The following NUP107 variants were observed in gnomAD, a reference collection of about 807,000 sequenced individuals.
NUP107 encodes nuclear pore complex protein Nup107.
A neutral mutation model predicts 141.0 loss-of-function variants in NUP107; 101 were observed. The ratio of observed to expected loss-of-function variants is 0.72; its 90% CI spans 0.61 to 0.84. The LOEUF (loss-of-function observed/expected upper bound fraction) is 0.84. Among genes scored for constraint, NUP107 ranks in the 40% least tolerant of loss-of-function variants. The pLI is 0.00. For missense variants in NUP107, 941 were observed against 1,102.7 expected, an observed-to-expected ratio of 0.85 and a Z score of 2.08; for synonymous variants, 319 against 363.9, an observed-to-expected ratio of 0.88 and a Z score of 1.41.
intron 14 of NUP107, among the ~76,000 whole-genome samples, chr12:68,720,412 A>C (rs920759224): frequency 5.3e-5 from 8 of 152,176 alleles, no homozygotes; most frequent in African/African-American, 1.4e-4. Context: ...CAGTAGAAAA[A>C]ATATACTTAA....
chr12:68,704,447 A>C (rs1277297931), intron 8 of NUP107, among the ~76,000 whole-genome samples: 2 of 151,994 alleles, frequency 1.3e-5, no homozygotes, highest in Admixed American at 6.6e-5. Flanking sequence ...TTCTGTTTTT[A>C]AAAGTAATTC....
chr12:68,693,085 A>ATTT (rs912996097), intron 5 of NUP107, among the ~76,000 whole-genome samples: 1 of 132,062 alleles, frequency 7.6e-6, no homozygotes, highest in Non-Finnish European at 1.6e-5. Context: ...TTATTTATTT[A>ATTT]TTTTTTTTTT....
intron 8 of NUP107, among the ~76,000 whole-genome samples, chr12:68,707,259 T>A (rs1020966302): frequency 1.3e-5 from 2 of 152,044 alleles, no homozygotes; most frequent in Non-Finnish European, 2.9e-5. Context: ...CAATGCAATT[T>A]TTTTTTCCAA....
intron 10 of NUP107, among the ~76,000 whole-genome samples, chr12:68,712,340 A>C (rs1876893465): frequency 6.8e-6 from 1 of 147,596 alleles, no homozygotes. Context: ...AAAATTAGCC[A>C]GTCGTGGTGG....
In NUP107 at chr12:68,725,837, G is replaced by GGTTTT. The variant is rs376106399; in HGVS notation, c.1576+41_1576+42insGTTTT. ...ATTTTACTTTGTGTTTTTTGTGTGT[G>GGTTTT]TTTTTTTTTTTTTTTTTGAGACAAA... On this transcript the variant is annotated intron_variant, in intron 18 of 27. Coordinates refer to ENST00000229179, the MANE Select transcript of NUP107 (RefSeq NM_020401.4). The GGTTTT allele has an allele frequency of 6.5e-3, 4,026 of 619,266 alleles. 45 individuals are homozygous for GGTTTT. Among genetic ancestry groups the GGTTTT allele is most frequent in the Non-Finnish European group, 7.5e-3 (2,939 of 389,798 alleles). 38.4% of individuals were successfully genotyped at this position (619,266 alleles called of 1,614,324 possible). A position where few individuals can be genotyped will look rare whatever the true frequency, so the allele number is the denominator to read the frequency against.
intron 23 of NUP107, among the ~76,000 whole-genome samples, chr12:68,733,143 A>G (rs1368087649): frequency 6.6e-6 from 1 of 152,188 alleles, no homozygotes; most frequent in Non-Finnish European, 1.5e-5. Flanking sequence ...TTTAATGGTG[A>G]ATTTTCATTG....
At chr12:68,697,778 C>T (rs993775381) in intron 6 of NUP107, among the ~76,000 whole-genome samples, 1 of 152,068 alleles carries the variant, frequency 6.6e-6, no homozygotes, top group Non-Finnish European at 1.5e-5. Context: ...GCCTGTAATC[C>T]TAGCACTTTG....
chr12:68,709,750 G>A (rs1158264118), intron 9 of NUP107, among the ~76,000 whole-genome samples: 1 of 151,986 alleles, frequency 6.6e-6, no homozygotes, highest in Non-Finnish European at 1.5e-5. Context: ...TTAGCTGGGT[G>A]TGGTGGTGGG....
intron 9 of NUP107, among the ~76,000 whole-genome samples, chr12:68,709,628 C>T (rs755258185): frequency 7.2e-5 from 11 of 152,046 alleles, no homozygotes; most frequent in Admixed American, 2.0e-4. Flanking sequence ...AGAAACTTCA[C>T]GCCTGTAATC....
rs796422263 is a variant in NUP107 at position 68,715,806 on chromosome 12, T to C, written c.1083+66T>C. Reference sequence around the variant, plus strand: ...ATAGACTCTTTGAGTTGGAAGAGATTTTTGTGGCTGCCTAGTAAGCCTTCT... The same window carrying C: ...ATAGACTCTTTGAGTTGGAAGAGATCTTTGTGGCTGCCTAGTAAGCCTTCT... On this transcript the variant is annotated intron_variant, in intron 12 of 27. Transcript: ENST00000229179. The C allele has an allele frequency of 3.5e-5, 33 of 952,438 alleles. No homozygotes were observed. In the African/African-American group the frequency reaches 4.9e-4, roughly 14 times the overall value. 59.0% of individuals were successfully genotyped at this position (952,438 alleles called of 1,614,324 possible). A position where few individuals can be genotyped will look rare whatever the true frequency, so the allele number is the denominator to read the frequency against.
chr12:68,692,263 G>T (rs779776965), intron 5 of NUP107, 151 bp downstream of exon 5: 2 of 779,218 alleles, frequency 2.6e-6, no homozygotes, highest in Non-Finnish European at 1.9e-6. Context: ...ACAGATTTTT[G>T]TGTGTGTGTT....
intron 2 of NUP107, among the ~76,000 whole-genome samples, chr12:68,689,320 AT>A (rs1334479196): frequency 6.6e-6 from 1 of 152,240 alleles, no homozygotes. Flanking sequence ...GACTAAAAAC[AT>A]TTAGTTCAGT....
At chr12:68,696,785 C>A (rs1592494194) in intron 5 of NUP107, 34 bp from the exon 6 acceptor site, 1 of 1,182,990 alleles carries the variant, frequency 8.5e-7, no homozygotes, top group Non-Finnish European at 1.2e-6. Flanking sequence ...CTTAACTTTT[C>A]TTTATTCCTT....
At chr12:68,736,000 G>A (rs1055505404) in intron 26 of NUP107, among the ~76,000 whole-genome samples, 2 of 152,126 alleles carry the variant, frequency 1.3e-5, no homozygotes, top group East Asian at 3.8e-4. Context: ...GAACATACTG[G>A]TAGAATTTGG....
In NUP107 at chr12:68,734,847, G is replaced by A; in HGVS notation, c.2388+14G>A. The A allele has an allele frequency of 6.2e-7, 1 of 1,607,260 alleles. No homozygotes were observed. Among genetic ancestry groups the A allele is most frequent in the Non-Finnish European group, 8.5e-7 (1 of 1,177,914 alleles). On this transcript the variant is annotated intron_variant, in intron 25 of 27. Transcript: ENST00000229179. The stretch of plus-strand genomic sequence containing the variant: ...AAGAAATATGAAGTAAGTTAAATAT[G>A]GATCTAGGATGTGCCTACTGCATCT...
chr12:68,721,622 T>G (rs1877352653), intron 15 of NUP107, among the ~76,000 whole-genome samples: 1 of 152,190 alleles, frequency 6.6e-6, no homozygotes, highest in Non-Finnish European at 1.5e-5. Flanking sequence ...CCTGGAAAAC[T>G]GATGTTGTTG....
Position 68,735,292 on chromosome 12 carries a change from T to C in NUP107, c.2450T>C (p.Met817Thr). 1 of 1,614,072 alleles carries C rather than the reference T, an allele frequency of 6.2e-7. No individual in the cohort carries two copies. The highest frequency in any genetic ancestry group is 8.5e-7 in the Non-Finnish European group (1 of 1,179,984). The change falls in exon 26 of 28, where the codon ATG (methionine) becomes ACG (threonine). Residue 817 changes from methionine to threonine, a missense_variant. Physicochemically the swap from Met to Thr is moderately conservative, Grantham distance 81. Transcript: ENST00000229179. ...DALTADVKEK[M>T]YNVLLFVDGG... ...CTAACTGCTGATGTGAAGGAGAAAA[T>C]GTATAACGTCTTGTTGTTTGTTGAT...
rs998591830 is a variant in NUP107 at position 68,742,986 on chromosome 12, A to T, written c.*524A>T. 2 of 152,676 alleles carry T rather than the reference A, an allele frequency of 1.3e-5. No individual in the cohort carries two copies. Among genetic ancestry groups the T allele is most frequent in the Non-Finnish European group, 2.9e-5 (2 of 68,390 alleles). 9.5% of individuals were successfully genotyped at this position (152,676 alleles called of 1,614,324 possible). ...GCAAACTTCCTATCAAAATAAGAGCATATAAAGACTTAGCGTAGTACCTGG... is the reference window on the plus strand; with the variant it reads ...GCAAACTTCCTATCAAAATAAGAGCTTATAAAGACTTAGCGTAGTACCTGG... On this transcript the variant is annotated 3_prime_UTR_variant, in exon 28 of 28. Coordinates refer to ENST00000229179, the MANE Select transcript of NUP107 (RefSeq NM_020401.4).
At chr12:68,697,184 T>C (rs1048325064) in intron 6 of NUP107, among the ~76,000 whole-genome samples, 3 of 152,072 alleles carry the variant, frequency 2.0e-5, no homozygotes, top group Non-Finnish European at 4.4e-5. Flanking sequence ...TCCCAATGCT[T>C]TGGGAGGCCA....
Sources: gnomAD v4.1 joint callset for allele counts (sites outside exome capture counted in the v4.1 genomes callset) on GRCh38, gnomAD v4.1.1 for gene constraint, MANE v1.5 for transcripts, NCBI Gene and HGNC (gene_info 2026-07-23, HGNC 2026-07-21) for gene names.